The following KSR1 variants were observed in gnomAD, a reference collection of about 807,000 sequenced individuals.
KSR1 encodes the protein kinase suppressor of ras.
In KSR1, 35 loss-of-function variants were observed where a neutral mutation model predicts 92.9. That is an observed-to-expected ratio of 0.38 (90% confidence interval 0.29 to 0.50). The LOEUF (loss-of-function observed/expected upper bound fraction) is 0.50, where lower values mean the gene tolerates loss of function less well. Among genes scored for constraint, KSR1 ranks in the 20% least tolerant of loss-of-function variants. KSR1 has a pLI of 0.94. For synonymous variants in KSR1, 467 were observed against 472.6 expected (o/e 0.99, Z 0.15); for missense variants, 972 against 1,158.5 (o/e 0.84, Z 2.34).
intron 1 of KSR1, among the ~76,000 whole-genome samples, chr17:27,462,119 GAT>G (rs911342422): frequency 1.2e-4 from 18 of 152,312 alleles, no homozygotes; most frequent in African/African-American, 4.3e-4. Flanking sequence ...GAACGTGCTT[GAT>G]CACCTGTTCT....
intron 2 of KSR1, among the ~76,000 whole-genome samples, chr17:27,568,831 C>T (rs1309240354): frequency 6.6e-6 from 1 of 152,228 alleles, no homozygotes; most frequent in Non-Finnish European, 1.5e-5. Flanking sequence ...CCCTACCCTC[C>T]TCTGTAGCCC....
Position 27,621,875 on chromosome 17 carries a change from A to C in KSR1, c.2708+602A>C, listed in dbSNP as rs1219576741. 6 of 1,601,878 alleles carry C rather than the reference A, an allele frequency of 3.7e-6. No individual in the cohort carries two copies. In the Admixed American group the frequency reaches 1.0e-4, roughly 27 times the overall value. ...ACCTCTAGCTCCCGACAGGCTCTGCATTGGGGCTATGATTCTGATGCTGTT... is the reference window on the plus strand; with the variant it reads ...ACCTCTAGCTCCCGACAGGCTCTGCCTTGGGGCTATGATTCTGATGCTGTT... On this transcript the variant is annotated intron_variant, in intron 20 of 20. Transcript: ENST00000644974.
intron 1 of KSR1, among the ~76,000 whole-genome samples, chr17:27,550,318 A>G (rs1015258999): frequency 2.6e-5 from 4 of 152,230 alleles, no homozygotes; most frequent in African/African-American, 9.7e-5. Context: ...CATGACGCTC[A>G]TGTCCTGAGG....
intron 1 of KSR1, among the ~76,000 whole-genome samples, chr17:27,517,878 TG>T (rs751531783): frequency 3.3e-5 from 5 of 152,208 alleles, no homozygotes; most frequent in East Asian, 3.8e-4. Flanking sequence ...GTGGAAGATT[TG>T]GGGACTTGGG....
chr17:27,485,814 A>G (rs2068646591), intron 1 of KSR1, among the ~76,000 whole-genome samples: 1 of 152,040 alleles, frequency 6.6e-6, no homozygotes, highest in Non-Finnish European at 1.5e-5. Flanking sequence ...GTAACCTTGG[A>G]TGAGTGACTT....
chr17:27,560,883 C>T (rs901710826), intron 2 of KSR1, among the ~76,000 whole-genome samples: 2 of 152,216 alleles, frequency 1.3e-5, no homozygotes, highest in Admixed American at 6.5e-5. Flanking sequence ...CCTCACCCAG[C>T]CTCCTGGAGG....
intron 9 of KSR1, among the ~76,000 whole-genome samples, chr17:27,595,190 C>A (rs1433748041): frequency 6.6e-6 from 1 of 152,236 alleles, no homozygotes; most frequent in Non-Finnish European, 1.5e-5. Context: ...TCCTCTCCCA[C>A]CCCCAGGGGA....
rs573107647 is a variant in KSR1, at chr17:27,615,644, A to T, written c.2494-1651A>T. ...CCACTGGTTTCTTGTCGTTGGAATC[A>T]ATGGGATATTAGGCCTGCTGCACAG... On this transcript the variant is annotated intron_variant, in intron 18 of 20. Coordinates refer to ENST00000644974, the MANE Select transcript of KSR1 (RefSeq NM_001394583.1). 2.6e-5 allele frequency among the ~76,000 whole-genome samples: 4 copies of T among 152,322 alleles called. No individual in the cohort carries two copies. In the South Asian group the frequency reaches 6.2e-4, roughly 24 times the overall value.
At chr17:27,476,506 G>A (rs2068352549) in intron 1 of KSR1, among the ~76,000 whole-genome samples, 1 of 152,204 alleles carries the variant, frequency 6.6e-6, no homozygotes, top group African/African-American at 2.4e-5. Flanking sequence ...TTTGACTGTG[G>A]TGCCGTTGGT....
chr17:27,573,591 CT>C (rs2072391799), intron 2 of KSR1, among the ~76,000 whole-genome samples: 1 of 152,196 alleles, frequency 6.6e-6, no homozygotes. Flanking sequence ...GTTTCTGTAC[CT>C]CACTTCTATT....
At chr17:27,463,076 A>G (rs1453794807) in intron 1 of KSR1, among the ~76,000 whole-genome samples, 1 of 152,252 alleles carries the variant, frequency 6.6e-6, no homozygotes, top group Non-Finnish European at 1.5e-5. Context: ...GTCAAAGTAT[A>G]TGAATACATT....
intron 1 of KSR1, among the ~76,000 whole-genome samples, chr17:27,470,350 T>C (rs558744416): frequency 6.6e-6 from 1 of 150,648 alleles, no homozygotes; most frequent in Non-Finnish European, 1.5e-5. Flanking sequence ...CAAGCAATTC[T>C]CCTGCCTCAG....
chr17:27,587,388 G>C (rs1372474092), intron 5 of KSR1: 1 of 152,224 alleles, frequency 6.6e-6, no homozygotes, highest in Non-Finnish European at 1.5e-5. Flanking sequence ...AAGTGAACCA[G>C]CACTTCATGA....
intron 1 of KSR1, among the ~76,000 whole-genome samples, chr17:27,463,008 G>C (rs929033865): frequency 1.2e-4 from 18 of 152,192 alleles, no homozygotes; most frequent in Non-Finnish European, 1.5e-4. Flanking sequence ...CTGTTTCCAA[G>C]TCTTGCTTTT....
chr17:27,479,859 C>T (rs957900336), intron 1 of KSR1, among the ~76,000 whole-genome samples: 1 of 152,100 alleles, frequency 6.6e-6, no homozygotes, highest in Non-Finnish European at 1.5e-5. Flanking sequence ...GGGGTGGCGG[C>T]ACCACACAGA....
intron 18 of KSR1, chr17:27,613,216 C>G (rs535324801): frequency 6.5e-6 from 1 of 152,860 alleles, no homozygotes; most frequent in East Asian, 1.9e-4. Flanking sequence ...TTCTTGGCCT[C>G]CTTCTGGGCC....
At chr17:27,548,208 C>T (rs1449858690) in intron 1 of KSR1, among the ~76,000 whole-genome samples, 1 of 128,440 alleles carries the variant, frequency 7.8e-6, no homozygotes, top group Admixed American at 8.5e-5. Context: ...CCAGCCTAGG[C>T]AACATAGTGA....
At chr17:27,610,749 C>T (rs1035774739) in intron 17 of KSR1, among the ~76,000 whole-genome samples, 35 of 151,774 alleles carry the variant, frequency 2.3e-4, no homozygotes, top group African/African-American at 8.5e-4. Context: ...TCAATATATC[C>T]AAAATATTAT....
At chr17:27,519,117 G>A (rs2069918159) in intron 1 of KSR1, among the ~76,000 whole-genome samples, 1 of 152,222 alleles carries the variant, frequency 6.6e-6, no homozygotes, top group African/African-American at 2.4e-5. Flanking sequence ...GCCGCTGGTG[G>A]GTAATGGTGA....
Sources: allele counts gnomAD v4.1 joint callset (sites outside exome capture counted in the v4.1 genomes callset), GRCh38; gene constraint gnomAD v4.1.1; transcripts MANE v1.5; gene names NCBI Gene and HGNC (gene_info 2026-07-23, HGNC 2026-07-21).